Variants in CEP89 observed in about 807,000 individuals in gnomAD.
The protein encoded by CEP89 is centrosomal protein of 89 kDa.
Under a neutral mutation model 97.6 loss-of-function variants are expected in CEP89, and 95 were observed. The ratio of observed to expected loss-of-function variants is 0.97; its 90% CI spans 0.82 to 1.15. The LOEUF is 1.15. CEP89 is among the 50% of genes most tolerant of loss of function. The probability of loss-of-function intolerance (pLI) is 0.00; values close to 1 mark genes in which losing one functional copy is unlikely to be tolerated. For synonymous variants in CEP89, 354 were observed against 349.1 expected (o/e 1.01, Z -0.16); for missense variants, 869 against 947.7 (o/e 0.92, Z 1.09).
At chr19:32,944,701 G>A (rs1343471393) in intron 5 of CEP89, among the ~76,000 whole-genome samples, 1 of 152,210 alleles carries the variant, frequency 6.6e-6, no homozygotes, top group Non-Finnish European at 1.5e-5. Flanking sequence ...AGGGTCTGCA[G>A]AGAATCTAGG....
At chr19:32,888,439 A>G (rs889625896) in intron 16 of CEP89, among the ~76,000 whole-genome samples, 1 of 152,198 alleles carries the variant, frequency 6.6e-6, no homozygotes, top group Non-Finnish European at 1.5e-5. Flanking sequence ...GCTAGTGGTG[A>G]CAAGTTTGAT....
intron 16 of CEP89, among the ~76,000 whole-genome samples, chr19:32,891,809 AAGAG>A (rs1245897524): frequency 1.4e-5 from 2 of 145,962 alleles, no homozygotes; most frequent in Non-Finnish European, 3.0e-5. Context: ...AGTGAGATGA[AAGAG>A]AGAGAGAGAG....
At chr19:32,887,868 C>T in intron 16 of CEP89, 27 bp from the exon 17 acceptor site, 1 of 1,268,638 alleles carries the variant, frequency 7.9e-7, no homozygotes, top group Non-Finnish European at 1.1e-6. Context: ...TAAATGGGCT[C>T]TCAGTTTTAC....
At chr19:32,944,716 G>C (rs905333136) in intron 5 of CEP89, among the ~76,000 whole-genome samples, 19 of 152,208 alleles carry the variant, frequency 1.2e-4, no homozygotes, top group African/African-American at 4.3e-4. Flanking sequence ...TCTAGGAAAG[G>C]GGAACAGCGT....
chr19:32,913,179 T>A (rs999564104), intron 14 of CEP89, among the ~76,000 whole-genome samples: 1 of 149,042 alleles, frequency 6.7e-6, no homozygotes, highest in Non-Finnish European at 1.5e-5. Context: ...ATTAATTATG[T>A]ATGTTTCCTA....
At chr19:32,887,618 T>C in intron 17 of CEP89, 134 bp downstream of exon 17, 1 of 633,456 alleles carries the variant, frequency 1.6e-6, no homozygotes. Flanking sequence ...AGCAAAACCT[T>C]ACAATACTTT....
rs1778876808 is a variant in CEP89, at chr19:32,915,439, T to C, written c.1463A>G (p.Glu488Gly). 6.2e-7 allele frequency: 1 copy of C among 1,613,880 alleles called. No individual in the cohort carries two copies. The highest frequency in any genetic ancestry group is 1.7e-5 in the Admixed American group (1 of 59,960). The part of the protein sequence containing the change: ...GQEKELAENR[E>G]QLEILRAKCQ... ...TTTGGCACGTAAAATCTCCAGCTGT[T>C]CCCTGTTCTCCGCCAGCTCCTTTTC... Residue 488 changes from glutamate (E) to glycine (G), a missense_variant, in exon 14 of 19, where the codon GAA becomes GGA. By Grantham distance (98) the Glu-to-Gly change is moderately conservative. Transcript: ENST00000305768.
At chr19:32,965,229 A>G (rs1398173565) in intron 2 of CEP89, among the ~76,000 whole-genome samples, 3 of 152,108 alleles carry the variant, frequency 2.0e-5, no homozygotes, top group Non-Finnish European at 4.4e-5. Context: ...TGAGACCTCC[A>G]TCTCTGCAGA....
chr19:32,909,108 G>T (rs950907488), intron 14 of CEP89, among the ~76,000 whole-genome samples: 1 of 152,212 alleles, frequency 6.6e-6, no homozygotes, highest in African/African-American at 2.4e-5. Context: ...TGGAAGCAGA[G>T]ATGGCTCTCT....
In CEP89 at chr19:32,888,689, A is replaced by C. The variant is rs566687840; in HGVS notation, c.1876-848T>G. 3.3e-5 allele frequency among the ~76,000 whole-genome samples: 5 copies of C among 152,250 alleles called. No homozygotes were observed. The South Asian group carries it at 1.0e-3, about 32-fold the overall frequency. On this transcript the variant is annotated intron_variant, in intron 16 of 18. Coordinates refer to ENST00000305768, the MANE Select transcript of CEP89 (RefSeq NM_032816.5). ...CATAGCGAGATTCTGTCTCAAAAAA[A>C]AAAAAAGATCTCAGTACCTAAGACT... is the stretch of plus-strand genomic sequence containing the variant.
At position 32,879,212 on chromosome 19, in the gene CEP89, C is replaced by T. The variant is rs1442998111; in HGVS notation, c.2302G>A (p.Gly768Ser). 9 of 1,613,944 alleles carry T rather than the reference C, an allele frequency of 5.6e-6. No individual in the cohort carries two copies. Among genetic ancestry groups the T allele is most frequent in the East Asian group, 2.2e-5 (1 of 44,872 alleles). ...NGVSQADLLD[G>S]CDVCSYDLKS... The stretch of plus-strand genomic sequence containing the variant: ...AGGTCATAGGAGCAGACATCGCAGC[C>T]GTCCAGCAGGTCTGCCTGAGAGACG... The change falls in exon 19 of 19, where the codon GGC becomes AGC. Residue 768 changes from glycine to serine, a missense_variant. Physicochemically the swap from Gly to Ser is moderately conservative, Grantham distance 56 (BLOSUM62 0). Transcript: ENST00000305768.
chr19:32,918,510 G>A (rs1970177408), intron 12 of CEP89, among the ~76,000 whole-genome samples, 171 bp from the exon 13 acceptor site: 1 of 152,182 alleles, frequency 6.6e-6, no homozygotes, highest in Non-Finnish European at 1.5e-5. Flanking sequence ...GCAGTCAGGC[G>A]AGGAAGGACA....
At chr19:32,959,433 GC>G (rs773023260) in intron 3 of CEP89, among the ~76,000 whole-genome samples, 1 of 152,100 alleles carries the variant, frequency 6.6e-6, no homozygotes, top group Non-Finnish European at 1.5e-5. Flanking sequence ...CCCAGGACAA[GC>G]AACAAAGGAA....
intron 5 of CEP89, among the ~76,000 whole-genome samples, chr19:32,942,615 T>C (rs1454846444): frequency 6.6e-6 from 1 of 152,208 alleles, no homozygotes; most frequent in African/African-American, 2.4e-5. Context: ...GCATCCCAAA[T>C]TCATGTTGTA....
At chr19:32,961,027 C>T (rs529239748) in intron 2 of CEP89, among the ~76,000 whole-genome samples, 48 of 152,198 alleles carry the variant, frequency 3.2e-4, no homozygotes, top group East Asian at 9.7e-4. Flanking sequence ...CTAGTTTCAG[C>T]GGGATACAGT....
At chr19:32,959,746 A>C (rs1032378210) in intron 3 of CEP89, among the ~76,000 whole-genome samples, 154 bp downstream of exon 3, 1 of 152,178 alleles carries the variant, frequency 6.6e-6, no homozygotes, top group African/African-American at 2.4e-5. Context: ...CCAGTGACTA[A>C]GACTCTAGTC....
In CEP89 at chr19:32,899,961, C is replaced by T; in HGVS notation, c.1771G>A (p.Val591Met). The T allele has an allele frequency of 6.2e-7, 1 of 1,614,104 alleles. No individual in the cohort carries two copies. Reference protein sequence around the residue: ...QKKIEVLKKQVEKAMGNEMSA... With the variant: ...QKKIEVLKKQMEKAMGNEMSA... Reference sequence around the variant, plus strand: ...ATTTCGTTCCCCATGGCTTTTTCCACCTGCTTTTTGAGGACCTCAATTTTC... The same window carrying T: ...ATTTCGTTCCCCATGGCTTTTTCCATCTGCTTTTTGAGGACCTCAATTTTC... The change falls in exon 16 of 19, where the codon GTG (valine) becomes ATG (methionine). Residue 591 changes from valine (V) to methionine (M), a missense_variant. Coordinates refer to ENST00000305768, the MANE Select transcript of CEP89 (RefSeq NM_032816.5).
chr19:32,884,741 T>A (rs56173097), intron 17 of CEP89, among the ~76,000 whole-genome samples: 9,994 of 151,974 alleles, frequency 0.066, 391 homozygotes, highest in South Asian at 0.15. Flanking sequence ...ATTTTAAACT[T>A]TTTTTTAGAG....
chr19:32,915,428 T>C lies in CEP89; in HGVS notation c.1474A>G (p.Ile492Val), dbSNP rs754722933. The C allele has an allele frequency of 1.2e-5, 19 of 1,613,894 alleles. No individual in the cohort carries two copies. The highest frequency in any genetic ancestry group is 1.6e-5 in the Non-Finnish European group (19 of 1,179,964). The change falls in exon 14 of 19, where the codon ATT (isoleucine) becomes GTT (valine). Residue 492 changes from isoleucine (I) to valine (V), a missense_variant. Physicochemically the swap from Ile to Val is conservative, Grantham distance 29. Transcript: ENST00000305768. ...ELAENREQLE[I>V]LRAKCQELKT... ...AGTTCTTGGCATTTGGCACGTAAAA[T>C]CTCCAGCTGTTCCCTGTTCTCCGCC...
Sources: allele counts gnomAD v4.1 joint callset (sites outside exome capture counted in the v4.1 genomes callset), GRCh38; gene constraint gnomAD v4.1.1; transcripts MANE v1.5; gene names NCBI Gene and HGNC (gene_info 2026-07-23, HGNC 2026-07-21).